PKD1L1: variants seen among roughly 807,000 people sequenced by gnomAD.
PKD1L1 encodes polycystin 1 like 1, transient receptor potential channel interacting.
PKD1L1 carries 236 observed loss-of-function variants against 323.4 expected under a neutral mutation model. The ratio of observed to expected loss-of-function variants is 0.73; its 90% CI spans 0.66 to 0.81. The LOEUF is 0.81. PKD1L1 is among the 40% of genes least tolerant of loss of function. The pLI, the probability that PKD1L1 is intolerant of heterozygous loss-of-function variation, is 0.00. For synonymous variants in PKD1L1, 1,344 were observed against 1,335.0 expected (o/e 1.01, Z -0.15); for missense variants, 3,320 against 3,508.0 (o/e 0.95, Z 1.35).
At chr7:47,775,996 C>T (rs1786560590) in intron 56 of PKD1L1, among the ~76,000 whole-genome samples, 1 of 152,014 alleles carries the variant, frequency 6.6e-6, no homozygotes, top group Non-Finnish European at 1.5e-5. Context: ...AGAGAGGTGA[C>T]AACACTACAC....
At chr7:47,922,436 T>A (rs1424483471) in intron 7 of PKD1L1, among the ~76,000 whole-genome samples, 1 of 146,538 alleles carries the variant, frequency 6.8e-6, no homozygotes, top group Admixed American at 6.8e-5. Flanking sequence ...GAGCACCTCT[T>A]CCCGGCCGTC....
chr7:47,882,280 T>C (rs1675630100), intron 19 of PKD1L1, among the ~76,000 whole-genome samples, 195 bp from the exon 20 acceptor site: 2 of 125,764 alleles, frequency 1.6e-5, no homozygotes, highest in African/African-American at 5.4e-5. Flanking sequence ...TCCAAAGGCA[T>C]CTTCCCTCCC....
chr7:47,900,761 C>T (rs569678841), intron 13 of PKD1L1, among the ~76,000 whole-genome samples: 1 of 151,950 alleles, frequency 6.6e-6, no homozygotes, highest in South Asian at 2.1e-4. Context: ...AAAAAGAAAA[C>T]TGGCAACAAC....
the PKD1L1 span, among the ~76,000 whole-genome samples, chr7:47,959,022 C>T: frequency 6.6e-6 from 1 of 152,280 alleles, no homozygotes; most frequent in Non-Finnish European, 1.5e-5. Context: ...CGGGGTTTCG[C>T]TGTGTTGGCC....
chr7:47,847,181 T>G (rs1785684714), intron 31 of PKD1L1, 110 bp from the exon 32 acceptor site: 2 of 759,998 alleles, frequency 2.6e-6, no homozygotes, highest in Admixed American at 3.8e-5. Flanking sequence ...GGACTACAGA[T>G]GAGCAAGAAC....
chr7:47,869,597 T>G (rs1181069366), intron 24 of PKD1L1, among the ~76,000 whole-genome samples: 1 of 152,138 alleles, frequency 6.6e-6, no homozygotes, highest in Non-Finnish European at 1.5e-5. Context: ...AACAACAGGT[T>G]CCATATACAT....
At chr7:47,913,456 G>A (rs543572079) in intron 8 of PKD1L1, among the ~76,000 whole-genome samples, 4 of 152,286 alleles carry the variant, frequency 2.6e-5, no homozygotes, top group East Asian at 1.9e-4. Flanking sequence ...CAGCACTGGC[G>A]GTGAGGAGGT....
chr7:47,853,437 C>T (rs1204162020), intron 30 of PKD1L1, among the ~76,000 whole-genome samples: 1 of 152,050 alleles, frequency 6.6e-6, no homozygotes, highest in Admixed American at 6.6e-5. Context: ...TTTCACCCTG[C>T]ATCTCATTAA....
chr7:47,857,604 C>A lies in PKD1L1; in HGVS notation c.4590+1G>T, dbSNP rs1226508108. 1 of 1,613,612 alleles carries A rather than the reference C, an allele frequency of 6.2e-7. No homozygotes were observed. On this transcript the variant is annotated splice_donor_variant, in intron 28 of 56. Transcript: ENST00000289672. LOFTEE classifies it high-confidence loss of function. ...GTGGCAGGTCATCTGTCAGCTTGTA[C>A]CTGCCCAGGAGCTTGGCTCCCTGGA...
At chr7:47,935,620 T>C (rs1235276070) in intron 4 of PKD1L1, among the ~76,000 whole-genome samples, 1 of 152,234 alleles carries the variant, frequency 6.6e-6, no homozygotes, top group Non-Finnish European at 1.5e-5. Flanking sequence ...TCACGGATTC[T>C]TCTTTTCCTA....
At chr7:47,843,675 C>T (rs1374667847) in intron 33 of PKD1L1, among the ~76,000 whole-genome samples, 2 of 152,138 alleles carry the variant, frequency 1.3e-5, no homozygotes, top group Non-Finnish European at 2.9e-5. Context: ...CTACCTGTAG[C>T]CTCTACCTAC....
At chr7:47,914,697 C>T (rs546121764) in intron 8 of PKD1L1, among the ~76,000 whole-genome samples, 1 of 152,256 alleles carries the variant, frequency 6.6e-6, no homozygotes, top group East Asian at 1.9e-4. Flanking sequence ...CCTCCCTCTC[C>T]ATCTGTTTTC....
chr7:47,795,868 G>T (rs200146648), intron 55 of PKD1L1, 121 bp downstream of exon 55: 28 of 1,225,138 alleles, frequency 2.3e-5, no homozygotes, highest in Non-Finnish European at 3.1e-5. Context: ...TTGTGGCTTT[G>T]CAAGGAGATT....
At chr7:47,879,809 T>A (rs1786495447) in intron 21 of PKD1L1, among the ~76,000 whole-genome samples, 1 of 147,956 alleles carries the variant, frequency 6.8e-6, no homozygotes, top group African/African-American at 2.6e-5. Context: ...GGCAGGCAGC[T>A]GTAGTCCCAG....
intron 24 of PKD1L1, among the ~76,000 whole-genome samples, chr7:47,868,082 C>A (rs1786204238): frequency 6.6e-6 from 1 of 152,174 alleles, no homozygotes; most frequent in African/African-American, 2.4e-5. Context: ...AACAAGAACA[C>A]AAAGTCTAGG....
At chr7:47,861,875 T>G (rs1388070362) in intron 26 of PKD1L1, among the ~76,000 whole-genome samples, 1 of 78,960 alleles carries the variant, frequency 1.3e-5, no homozygotes, top group Non-Finnish European at 2.3e-5. Context: ...AGCAAGACTC[T>G]GTCTCAAAAA....
chr7:47,828,194 AG>A (rs1172605910), intron 44 of PKD1L1, among the ~76,000 whole-genome samples: 1 of 152,094 alleles, frequency 6.6e-6, no homozygotes, highest in South Asian at 2.1e-4. Context: ...GCTTGGGTGT[AG>A]GGGGGCACCC....
At chr7:47,811,382 C>T (rs1784891087) in intron 50 of PKD1L1, among the ~76,000 whole-genome samples, 1 of 152,110 alleles carries the variant, frequency 6.6e-6, no homozygotes, top group South Asian at 2.1e-4. Context: ...GTGTTGAACT[C>T]CTGACCTTGT....
At chr7:47,873,518 A>AGG (rs1388533394) in intron 24 of PKD1L1, among the ~76,000 whole-genome samples, 1 of 151,222 alleles carries the variant, frequency 6.6e-6, no homozygotes, top group East Asian at 1.9e-4. Flanking sequence ...TTGGTGGCGC[A>AGG]CACCTGTAAT....
Sources: allele counts gnomAD v4.1 joint callset (sites outside exome capture counted in the v4.1 genomes callset), GRCh38; gene constraint gnomAD v4.1.1; transcripts MANE v1.5; gene names NCBI Gene and HGNC (gene_info 2026-07-23, HGNC 2026-07-21).